ALG6: variants seen among roughly 807,000 people sequenced by gnomAD.
The protein encoded by ALG6 is dolichyl pyrophosphate Man9GlcNAc2 alpha-1,3-glucosyltransferase.
A neutral mutation model predicts 66.6 loss-of-function variants in ALG6; 46 were observed. The ratio of observed to expected loss-of-function variants is 0.69; its 90% confidence interval spans 0.55 to 0.88. The LOEUF (loss-of-function observed/expected upper bound fraction) is 0.88, where lower values mean the gene tolerates loss of function less well. Among genes scored for constraint, ALG6 ranks in the 40% least tolerant of loss-of-function variants. The pLI is 0.00. For missense variants in ALG6, 505 were observed against 586.8 expected (o/e 0.86, Z 1.44); for synonymous variants, 185 against 203.7 (o/e 0.91, Z 0.78).
chr1:63,368,270 C>A (rs546421970), intron 1 of ALG6, among the ~76,000 whole-genome samples: 1 of 152,254 alleles, frequency 6.6e-6, no homozygotes, highest in Non-Finnish European at 1.5e-5. Flanking sequence ...AGAAGAGAGT[C>A]GTTAAAAGCC....
intron 2 of ALG6, among the ~76,000 whole-genome samples, chr1:63,384,810 T>G (rs1211314674): frequency 6.6e-6 from 1 of 152,154 alleles, no homozygotes; most frequent in Non-Finnish European, 1.5e-5. Flanking sequence ...TGTTTCTGGG[T>G]TCTCTATTCT....
chr1:63,370,487 T>C (rs1647877130), intron 1 of ALG6, among the ~76,000 whole-genome samples: 2 of 152,252 alleles, frequency 1.3e-5, no homozygotes, highest in Admixed American at 1.3e-4. Flanking sequence ...TGTCATTATC[T>C]ACATATGTGT....
At position 63,396,528 on chromosome 1, in the gene ALG6, CTA is replaced by C. The variant is rs1648830820; in HGVS notation, c.100_101del (p.Met34ValfsTer3). ...TTGATCTTAGGTGCTGGTAAACCGCCTATGTTTGGTGATTATGAAGCTCAGAG... is the reference window on the plus strand; with the variant it reads ...TTGATCTTAGGTGCTGGTAAACCGCCTGTTTGGTGATTATGAAGCTCAGAG... On this transcript the variant is annotated frameshift_variant, in exon 3 of 15. Transcript: ENST00000263440. LOFTEE classifies it high-confidence loss of function. 1 of 1,613,942 alleles carries C rather than the reference CTA, an allele frequency of 6.2e-7. No individual in the cohort carries two copies. Among genetic ancestry groups the C allele is most frequent in the Non-Finnish European group, 8.5e-7 (1 of 1,179,968 alleles).
intron 12 of ALG6, among the ~76,000 whole-genome samples, chr1:63,422,408 AATATAAAT>A (rs1363692942): frequency 1.4e-4 from 12 of 85,954 alleles, no homozygotes; most frequent in East Asian, 3.0e-4. Context: ...TATCTATATA[AATATAAAT>A]ATATATATAA....
At chr1:63,432,587 G>A (rs1644652224) in intron 14 of ALG6, among the ~76,000 whole-genome samples, 1 of 152,176 alleles carries the variant, frequency 6.6e-6, no homozygotes, top group Admixed American at 6.5e-5. Context: ...CATTTTATCT[G>A]TAGCATCTAT....
chr1:63,428,340 T>G (rs1056323117), intron 12 of ALG6: 35 of 163,584 alleles, frequency 2.1e-4, no homozygotes, highest in Non-Finnish European at 5.3e-5. Context: ...ATATGTAACA[T>G]GAAAGAACAT....
At position 63,403,966 on chromosome 1, in the gene ALG6, C is replaced by T. The variant is rs1427707578; in HGVS notation, c.258-487C>T. ...TTGAAAATAAACTCCCAAACATCAT[C>T]ATTATAGTATTCAGGGTAATTGTAA... On this transcript the variant is annotated intron_variant, in intron 4 of 14. Coordinates refer to ENST00000263440, the MANE Select transcript of ALG6 (RefSeq NM_013339.4). Among the ~76,000 whole-genome samples the T allele has an allele frequency of 2.6e-5, 4 of 152,250 alleles. No individual in the cohort carries two copies. In the South Asian group the frequency reaches 8.3e-4, roughly 32 times the overall value.
chr1:63,388,082 AT>A (rs546753035), intron 2 of ALG6, among the ~76,000 whole-genome samples: 1 of 150,694 alleles, frequency 6.6e-6, no homozygotes, highest in Non-Finnish European at 1.5e-5. Context: ...ATGCCCGGCT[AT>A]TTTTTTTGTA....
intron 3 of ALG6, among the ~76,000 whole-genome samples, chr1:63,400,215 ATATATACGT>A (rs1557587273): frequency 5.6e-4 from 15 of 26,574 alleles, no homozygotes; most frequent in South Asian, 5.7e-3. Context: ...AAATATATAT[ATATATACGT>A]ATATATATAT....
At chr1:63,398,271 C>G (rs1644421807) in intron 3 of ALG6, among the ~76,000 whole-genome samples, 1 of 152,130 alleles carries the variant, frequency 6.6e-6, no homozygotes, top group African/African-American at 2.4e-5. Context: ...TTAAATGTCT[C>G]TTAGTAGGGG....
At chr1:63,436,711 G>T in intron 14 of ALG6, 112 bp from the exon 15 acceptor site, 1 of 1,025,988 alleles carries the variant, frequency 9.7e-7, no homozygotes. Context: ...GAATAAATTA[G>T]ACCCTCAACC....
chr1:63,418,367 A>T (rs12731604), intron 11 of ALG6, among the ~76,000 whole-genome samples: 89 of 150,856 alleles, frequency 5.9e-4, no homozygotes, highest in Non-Finnish European at 1.2e-3. Context: ...TGAGCCAAGA[A>T]GTGAATGACC....
intron 2 of ALG6, among the ~76,000 whole-genome samples, chr1:63,377,608 G>A (rs1648175680): frequency 6.6e-6 from 1 of 152,056 alleles, no homozygotes; most frequent in South Asian, 2.1e-4. Context: ...TTTTAATTCT[G>A]GTTACAGATC....
intron 12 of ALG6, among the ~76,000 whole-genome samples, chr1:63,422,096 TATATA>T (rs1371408738): frequency 8.9e-6 from 1 of 112,106 alleles, no homozygotes; most frequent in Non-Finnish European, 1.8e-5. Context: ...AATATATAAA[TATATA>T]AATATAAATA....
chr1:63,402,055 A>T (rs1218332014), intron 3 of ALG6, among the ~76,000 whole-genome samples, 199 bp from the exon 4 acceptor site: 1 of 152,178 alleles, frequency 6.6e-6, no homozygotes, highest in African/African-American at 2.4e-5. Flanking sequence ...AAGTCTACTA[A>T]TAGTAGGATG....
intron 2 of ALG6, among the ~76,000 whole-genome samples, chr1:63,379,861 G>C (rs373235176): frequency 6.6e-6 from 1 of 151,174 alleles, no homozygotes; most frequent in African/African-American, 2.4e-5. Context: ...TGGACCCTTT[G>C]TCTGGCATAT....
intron 2 of ALG6, among the ~76,000 whole-genome samples, chr1:63,374,595 C>T (rs1307477467): frequency 2.7e-5 from 4 of 150,572 alleles, no homozygotes; most frequent in South Asian, 4.3e-4. Context: ...GCCACTGCAC[C>T]CCACCCTGGG....
At chr1:63,411,452 C>A (rs1488269432) in intron 8 of ALG6, 121 bp downstream of exon 8, 2 of 936,316 alleles carry the variant, frequency 2.1e-6, no homozygotes, top group African/African-American at 3.4e-5. Flanking sequence ...AATATTTTGG[C>A]TGTAGGGTAT....
chr1:63,389,765 C>T (rs1233907156), intron 2 of ALG6, among the ~76,000 whole-genome samples: 4 of 152,130 alleles, frequency 2.6e-5, no homozygotes, highest in African/African-American at 4.8e-5. Context: ...CATCCATGGT[C>T]GCTGCAGCCA....
Sources: gnomAD v4.1 joint callset for allele counts (sites outside exome capture counted in the v4.1 genomes callset) on GRCh38, gnomAD v4.1.1 for gene constraint, MANE v1.5 for transcripts, NCBI Gene and HGNC (gene_info 2026-07-23, HGNC 2026-07-21) for gene names.